The following STAG1 variants were observed in gnomAD, a reference collection of about 807,000 sequenced individuals.
STAG1 encodes cohesin subunit SA-1.
Under a neutral mutation model 170.9 loss-of-function variants are expected in STAG1, and 26 were observed. That is an observed-to-expected ratio of 0.15 (90% confidence interval 0.11 to 0.21). The LOEUF (loss-of-function observed/expected upper bound fraction) is 0.21, where lower values mean the gene tolerates loss of function less well. STAG1 is among the 10% of genes least tolerant of loss of function. The pLI is 1.00. For synonymous variants in STAG1, 514 were observed against 497.7 expected, an observed-to-expected ratio of 1.03 and a Z score of -0.44; for missense variants, 964 against 1,509.5, an observed-to-expected ratio of 0.64 and a Z score of 5.99.
At chr3:136,401,508 T>A (rs2087324989) in intron 21 of STAG1, among the ~76,000 whole-genome samples, 1 of 152,172 alleles carries the variant, frequency 6.6e-6, no homozygotes. Context: ...AGTTGCTGGG[T>A]CTTCACATTT....
At chr3:136,742,083 A>T (rs1934699041) in intron 1 of STAG1, among the ~76,000 whole-genome samples, 1 of 152,208 alleles carries the variant, frequency 6.6e-6, no homozygotes, top group Admixed American at 6.5e-5. Flanking sequence ...AAAAACAGAT[A>T]ATTCCACAGT....
chr3:136,376,386 C>A (rs2108305793), intron 23 of STAG1, among the ~76,000 whole-genome samples: 1 of 152,224 alleles, frequency 6.6e-6, no homozygotes, highest in South Asian at 2.1e-4. Context: ...CCACCCTGAC[C>A]CCCACCCTGA....
rs1350162473 is a variant in STAG1 at position 136,598,447 on chromosome 3, G to A, written c.297+5862C>T. 3.4e-5 allele frequency among the ~76,000 whole-genome samples: 5 copies of A among 145,828 alleles called. 1 individual carries two copies. In the South Asian group the frequency reaches 1.1e-3, roughly 31 times the overall value. ...CTTTTTTTTTTTTCTTTTTTTTTGAGACGGAGTCTCGCTCTGTTGCCCAGG... is the reference window on the plus strand; with the variant it reads ...CTTTTTTTTTTTTCTTTTTTTTTGAAACGGAGTCTCGCTCTGTTGCCCAGG... On this transcript the variant is annotated intron_variant, in intron 4 of 33. Coordinates refer to ENST00000383202, the MANE Select transcript of STAG1 (RefSeq NM_005862.3).
chr3:136,577,497 C>T (rs1390372310), intron 4 of STAG1, among the ~76,000 whole-genome samples: 1 of 152,172 alleles, frequency 6.6e-6, no homozygotes, highest in Non-Finnish European at 1.5e-5. Context: ...CCCCCATCCT[C>T]CAAGTAATTC....
intron 1 of STAG1, among the ~76,000 whole-genome samples, chr3:136,720,343 C>T (rs552569611): frequency 6.6e-6 from 1 of 152,066 alleles, no homozygotes; most frequent in Non-Finnish European, 1.5e-5. Context: ...CAAGCTGAAA[C>T]CAAATTAACT....
chr3:136,568,090 TAAAC>T (rs1189360214), intron 5 of STAG1, among the ~76,000 whole-genome samples: 4 of 152,030 alleles, frequency 2.6e-5, no homozygotes, highest in African/African-American at 7.2e-5. Context: ...TGTACATAAA[TAAAC>T]AAGCCTTCAA....
chr3:136,476,579 G>A (rs1345139679), intron 10 of STAG1, among the ~76,000 whole-genome samples: 1 of 152,144 alleles, frequency 6.6e-6, no homozygotes, highest in Admixed American at 6.5e-5. Context: ...AGTCACCACA[G>A]GAACTTCTTA....
intron 1 of STAG1, among the ~76,000 whole-genome samples, chr3:136,657,105 T>C (rs938762981): frequency 6.6e-6 from 1 of 151,100 alleles, no homozygotes; most frequent in Non-Finnish European, 1.5e-5. Context: ...TTGCTTATGA[T>C]ATGCAATACT....
At chr3:136,597,939 A>G (rs1649680627) in intron 4 of STAG1, among the ~76,000 whole-genome samples, 1 of 152,156 alleles carries the variant, frequency 6.6e-6, no homozygotes, top group African/African-American at 2.4e-5. Flanking sequence ...TTTACAAGCT[A>G]AGGAAGTTCC....
chr3:136,437,616 T>G (rs1221358733), intron 15 of STAG1, among the ~76,000 whole-genome samples: 1 of 152,256 alleles, frequency 6.6e-6, no homozygotes, highest in Non-Finnish European at 1.5e-5. Context: ...CATTGAATCA[T>G]GCTTTAAAAT....
chr3:136,736,749 G>C, intron 1 of STAG1: 1 of 1,601,544 alleles, frequency 6.2e-7, no homozygotes, highest in Non-Finnish European at 8.5e-7. Context: ...TCAGCAAAGA[G>C]TTTCATTGTC....
At position 136,417,638 on chromosome 3, in the gene STAG1, G is replaced by C. The variant is rs1038375695; in HGVS notation, c.2196+247C>G. The C allele has an allele frequency of 1.3e-5, 5 of 373,526 alleles. No individual in the cohort carries two copies. The Admixed American group carries it at 1.7e-4, about 12-fold the overall frequency. The allele number at this position is 373,526 out of a possible 1,614,324, so 23.1% of individuals were successfully genotyped here. A position where few individuals can be genotyped will look rare whatever the true frequency, so the allele number is the denominator to read the frequency against. ...TATTAATGGTATTTCTCCTAATAGA[G>C]AAAAGTCTACCTTAACAGTAAAATT... On this transcript the variant is annotated intron_variant, in intron 21 of 33. Coordinates refer to ENST00000383202, the MANE Select transcript of STAG1 (RefSeq NM_005862.3).
At chr3:136,562,869 T>C (rs1936901553) in intron 5 of STAG1, among the ~76,000 whole-genome samples, 1 of 152,220 alleles carries the variant, frequency 6.6e-6, no homozygotes, top group Non-Finnish European at 1.5e-5. Flanking sequence ...ATTACAGGTG[T>C]GAGTCACGAC....
intron 2 of STAG1, 108 bp from the exon 3 acceptor site, chr3:136,623,356 CTTCTA>C: frequency 1.1e-6 from 1 of 892,110 alleles, no homozygotes; most frequent in East Asian, 3.0e-5. Context: ...GTGGTTTATA[CTTCTA>C]CTTTCAGAGA....
chr3:136,407,896 CAAA>C (rs547848988), intron 21 of STAG1, among the ~76,000 whole-genome samples: 1 of 77,382 alleles, frequency 1.3e-5, no homozygotes. Context: ...ACTCTGTCTC[CAAA>C]AAAAAAAAAA....
At chr3:136,466,005 C>T (rs1057178136) in intron 12 of STAG1, among the ~76,000 whole-genome samples, 4 of 152,074 alleles carry the variant, frequency 2.6e-5, no homozygotes, top group African/African-American at 7.2e-5. Context: ...CCCATCTGTA[C>T]GTCACCATCA....
At chr3:136,585,270 T>G (rs928662608) in intron 4 of STAG1, among the ~76,000 whole-genome samples, 2 of 152,086 alleles carry the variant, frequency 1.3e-5, no homozygotes, top group African/African-American at 2.4e-5. Context: ...GGTAAAACCC[T>G]GTCTCTGCTA....
chr3:136,511,023 C>A (rs748359369), intron 7 of STAG1, among the ~76,000 whole-genome samples: 3 of 152,144 alleles, frequency 2.0e-5, no homozygotes, highest in African/African-American at 4.8e-5. Flanking sequence ...CCACCTGTCT[C>A]GGCCTCCCAA....
intron 21 of STAG1, among the ~76,000 whole-genome samples, chr3:136,411,324 AAT>A (rs898557060): frequency 5.3e-5 from 8 of 152,204 alleles, no homozygotes; most frequent in African/African-American, 1.9e-4. Flanking sequence ...TCATGAAAAA[AAT>A]AAAAAATAAA....
Sources: allele counts gnomAD v4.1 joint callset (sites outside exome capture counted in the v4.1 genomes callset), GRCh38; gene constraint gnomAD v4.1.1; transcripts MANE v1.5; gene names NCBI Gene and HGNC (gene_info 2026-07-23, HGNC 2026-07-21).